Variants in ALG14 observed in about 807,000 individuals in gnomAD.
ALG14 encodes UDP-N-acetylglucosamine transferase subunit ALG14.
ALG14 carries 17 observed loss-of-function variants against 22.8 expected under a neutral mutation model. The ratio of observed to expected loss-of-function variants is 0.75; its 90% CI spans 0.51 to 1.12. The LOEUF (loss-of-function observed/expected upper bound fraction) is 1.12, where lower values mean the gene tolerates loss of function less well. Among genes scored for constraint, ALG14 ranks in the 50% most tolerant of loss-of-function variants. The pLI is 0.00. For synonymous variants in ALG14, 89 were observed against 103.7 expected (o/e 0.86, Z 0.86); for missense variants, 288 against 271.8 (o/e 1.06, Z -0.42).
At chr1:95,038,229 T>C (rs1674260651) in intron 2 of ALG14, among the ~76,000 whole-genome samples, 1 of 152,136 alleles carries the variant, frequency 6.6e-6, no homozygotes, top group Non-Finnish European at 1.5e-5. Context: ...CTGTAATGCC[T>C]GTAATCCCAG....
chr1:94,991,408 C>T (rs1322633973), intron 3 of ALG14, among the ~76,000 whole-genome samples: 1 of 152,222 alleles, frequency 6.6e-6, no homozygotes, highest in Non-Finnish European at 1.5e-5. Flanking sequence ...AGACCACAAA[C>T]CTGCACAGCA....
chr1:94,986,966 G>T (rs1421905559), intron 3 of ALG14, among the ~76,000 whole-genome samples: 1 of 152,132 alleles, frequency 6.6e-6, no homozygotes, highest in Admixed American at 6.5e-5. Flanking sequence ...TCAGGGAAGA[G>T]CACACAGTCC....
At chr1:95,052,472 TAAAATA>T (rs1047438493) in intron 2 of ALG14, among the ~76,000 whole-genome samples, 1 of 151,938 alleles carries the variant, frequency 6.6e-6, no homozygotes, top group African/African-American at 2.4e-5. Context: ...GAGAAAAAAA[TAAAATA>T]AAAATAAAAG....
chr1:94,986,282 G>A (rs1391080575), intron 3 of ALG14, among the ~76,000 whole-genome samples: 1 of 152,152 alleles, frequency 6.6e-6, no homozygotes, highest in Non-Finnish European at 1.5e-5. Context: ...CTAGAACAGT[G>A]TATACTCTGC....
chr1:95,057,848 A>G (rs1429464569), intron 2 of ALG14, among the ~76,000 whole-genome samples: 1 of 151,908 alleles, frequency 6.6e-6, no homozygotes, highest in African/African-American at 2.4e-5. Context: ...AAGAGAATCA[A>G]ACTAGGATCA....
At chr1:95,035,185 T>C (rs1409783920) in intron 2 of ALG14, among the ~76,000 whole-genome samples, 2 of 149,694 alleles carry the variant, frequency 1.3e-5, no homozygotes, top group African/African-American at 2.5e-5. Context: ...TTTTGTTTTG[T>C]TTTGTTTTGT....
chr1:94,978,261 C>T lies in ALG14; in HGVS notation c.*4815G>A, dbSNP rs1007236595. The T allele has an allele frequency of 3.3e-5, 5 of 151,682 alleles. No homozygotes were observed. The highest frequency in any genetic ancestry group is 1.2e-4 in the African/African-American group (5 of 41,262). 9.4% of individuals were successfully genotyped at this position (151,682 alleles called of 1,614,324 possible). The stretch of plus-strand genomic sequence containing the variant: ...TATTTTTAGTAGAGATGGGGTTTCA[C>T]CATCTTGGCCAGGCTGGTCTTGAAC... On this transcript the variant is annotated 3_prime_UTR_variant, in exon 4 of 4. Transcript: ENST00000370205.
intron 3 of ALG14, among the ~76,000 whole-genome samples, chr1:95,002,182 A>G (rs748504607): frequency 2.6e-5 from 4 of 152,200 alleles, no homozygotes; most frequent in Non-Finnish European, 4.4e-5. Flanking sequence ...GGATGAGTTC[A>G]GCAATGACTG....
Position 94,982,115 on chromosome 1 carries a change from G to GTTTTTTTTTTTTTTTTT in ALG14, c.*960_*961insAAAAAAAAAAAAAAAAA, listed in dbSNP as rs1211541928. 7.8e-6 allele frequency: 1 copy of GTTTTTTTTTTTTTTTTT among 128,926 alleles called. No individual in the cohort carries two copies. 8.0% of individuals were successfully genotyped at this position (128,926 alleles called of 1,614,324 possible). A position where few individuals can be genotyped will look rare whatever the true frequency, so the allele number is the denominator to read the frequency against. ...ATAATAACAGTCCCTACATCATTGA[G>GTTTTTTTTTTTTTTTTT]TTTTGTTTTTTTTTTTTTTTTTTGA... On this transcript the variant is annotated 3_prime_UTR_variant, in exon 4 of 4. Transcript: ENST00000370205.
chr1:95,029,464 G>A (rs751888507), intron 2 of ALG14, among the ~76,000 whole-genome samples: 9 of 152,168 alleles, frequency 5.9e-5, no homozygotes, highest in Non-Finnish European at 1.0e-4. Context: ...GGGCTACACT[G>A]GAATGTGAAC....
chr1:95,058,795 T>C (rs2100828977), intron 2 of ALG14, among the ~76,000 whole-genome samples: 1 of 151,870 alleles, frequency 6.6e-6, no homozygotes, highest in South Asian at 2.1e-4. Context: ...TAAGAGTATA[T>C]AACTGTTGAT....
At chr1:95,002,687 C>A (rs1673099219) in intron 3 of ALG14, among the ~76,000 whole-genome samples, 1 of 152,134 alleles carries the variant, frequency 6.6e-6, no homozygotes, top group African/African-American at 2.4e-5. Context: ...TGACAAGATT[C>A]CTCCTGCAGG....
In ALG14 at chr1:94,975,060, A is replaced by G. The variant is rs192557079; in HGVS notation, c.*8016T>C. The G allele has an allele frequency of 6.6e-6, 1 of 152,382 alleles. No individual in the cohort carries two copies. The highest frequency in any genetic ancestry group is 1.9e-4 in the East Asian group (1 of 5,184). The allele number at this position is 152,382 out of a possible 1,614,324, so 9.4% of individuals were successfully genotyped here. A position where few individuals can be genotyped will look rare whatever the true frequency, so the allele number is the denominator to read the frequency against. ...TATACAATTCAGTGGCTTTTAGTAT[A>G]TTCACAGAGATGTACAACCATCACC... On this transcript the variant is annotated 3_prime_UTR_variant, in exon 4 of 4. Coordinates refer to ENST00000370205, the MANE Select transcript of ALG14 (RefSeq NM_144988.4).
chr1:94,991,957 C>T lies in ALG14; in HGVS notation c.421-8651G>A, dbSNP rs1408942860. ...GAATCATCAATATCACTGTCTTCCA[C>T]CTCCACATCTTGTCCCACTGAAAGG... On this transcript the variant is annotated intron_variant, in intron 3 of 3. Coordinates refer to ENST00000370205, the MANE Select transcript of ALG14 (RefSeq NM_144988.4). Among the ~76,000 whole-genome samples the T allele has an allele frequency of 3.3e-5, 5 of 152,006 alleles. No homozygotes were observed. In the East Asian group the frequency reaches 9.7e-4, roughly 29 times the overall value.
intron 3 of ALG14, among the ~76,000 whole-genome samples, 195 bp downstream of exon 3, chr1:95,026,934 A>T (rs1673837298): frequency 6.6e-6 from 1 of 152,232 alleles, no homozygotes; most frequent in Non-Finnish European, 1.5e-5. Flanking sequence ...TGGGTGGCTT[A>T]TAAAGAACTG....
intron 3 of ALG14, among the ~76,000 whole-genome samples, chr1:95,023,151 C>T (rs1673713024): frequency 6.6e-6 from 1 of 150,992 alleles, no homozygotes; most frequent in African/African-American, 2.4e-5. Flanking sequence ...TTTTTTGAGA[C>T]GGAGTCTTAC....
At chr1:94,992,737 C>A (rs1365978007) in intron 3 of ALG14, among the ~76,000 whole-genome samples, 1 of 152,072 alleles carries the variant, frequency 6.6e-6, no homozygotes, top group East Asian at 1.9e-4. Context: ...CTAACATATT[C>A]TCTTCTTGGG....
intron 3 of ALG14, among the ~76,000 whole-genome samples, chr1:94,992,611 C>T (rs1447071125): frequency 2.0e-5 from 3 of 151,968 alleles, no homozygotes; most frequent in Non-Finnish European, 4.4e-5. Flanking sequence ...AATGTTATAC[C>T]AGGGTGAAAC....
rs1672372550 is a variant in ALG14, at chr1:94,975,285, AC to A, written c.*7790del. 6.6e-6 allele frequency: 1 copy of A among 152,110 alleles called. No homozygotes were observed. The highest frequency in any genetic ancestry group is 1.5e-5 in the Non-Finnish European group (1 of 68,046). 9.4% of individuals were successfully genotyped at this position (152,110 alleles called of 1,614,324 possible). ...GTGGCTGGCTTCTGTAACTTAGCCT[AC>A]TGTTTACAAGGTTCATCCACACTGT... is the stretch of plus-strand genomic sequence containing the variant. On this transcript the variant is annotated 3_prime_UTR_variant, in exon 4 of 4. Coordinates refer to ENST00000370205, the MANE Select transcript of ALG14 (RefSeq NM_144988.4).
Sources: gnomAD v4.1 joint callset for allele counts (sites outside exome capture counted in the v4.1 genomes callset) on GRCh38, gnomAD v4.1.1 for gene constraint, MANE v1.5 for transcripts, NCBI Gene and HGNC (gene_info 2026-07-23, HGNC 2026-07-21) for gene names.